ENOX1: variants seen among roughly 807,000 people sequenced by gnomAD.
The protein encoded by ENOX1 is ecto-NOX disulfide-thiol exchanger 1.
In ENOX1, 42 loss-of-function variants were observed where a neutral mutation model predicts 82.5. The observed-to-expected ratio is 0.51, with a 90% CI of 0.40 to 0.66. The LOEUF (loss-of-function observed/expected upper bound fraction) is 0.66. ENOX1 is among the 30% of genes least tolerant of loss of function. The pLI, the probability that ENOX1 is intolerant of heterozygous loss-of-function variation, is 0.00. For synonymous variants in ENOX1, 271 were observed against 282.2 expected (o/e 0.96, Z 0.40); for missense variants, 608 against 811.6 (o/e 0.75, Z 3.05).
chr13:43,646,439 G>C (rs1242787128), intron 2 of ENOX1, among the ~76,000 whole-genome samples: 1 of 152,202 alleles, frequency 6.6e-6, no homozygotes, highest in African/African-American at 2.4e-5. Flanking sequence ...CACGCAGTTA[G>C]GGCAAAACTA....
intron 3 of ENOX1, among the ~76,000 whole-genome samples, chr13:43,430,431 G>A (rs901277284): frequency 6.6e-6 from 1 of 152,174 alleles, no homozygotes; most frequent in Non-Finnish European, 1.5e-5. Context: ...TGGTCACAAG[G>A]TCTTTCTATT....
At chr13:43,448,437 A>C (rs1198137624) in intron 3 of ENOX1, among the ~76,000 whole-genome samples, 1 of 152,250 alleles carries the variant, frequency 6.6e-6, no homozygotes, top group African/African-American at 2.4e-5. Flanking sequence ...TAGGTTTTTA[A>C]AATTTAAGAG....
intron 2 of ENOX1, among the ~76,000 whole-genome samples, chr13:43,506,322 A>G (rs1338419563): frequency 6.6e-6 from 1 of 151,878 alleles, no homozygotes; most frequent in Non-Finnish European, 1.5e-5. Context: ...CGATCATTAA[A>G]AAGTCAGGAA....
intron 2 of ENOX1, among the ~76,000 whole-genome samples, chr13:43,661,513 T>A (rs1297149922): frequency 6.6e-6 from 1 of 152,170 alleles, no homozygotes; most frequent in Non-Finnish European, 1.5e-5. Flanking sequence ...CATTGATGTT[T>A]TCTGAATAAA....
intron 14 of ENOX1, among the ~76,000 whole-genome samples, chr13:43,242,305 GC>G (rs2042873988): frequency 6.6e-6 from 1 of 152,178 alleles, no homozygotes; most frequent in Non-Finnish European, 1.5e-5. Flanking sequence ...GTCTTCACTG[GC>G]TTTTTTGTTT....
chr13:43,482,508 T>A (rs762707250), intron 3 of ENOX1, among the ~76,000 whole-genome samples: 1 of 152,168 alleles, frequency 6.6e-6, no homozygotes, highest in Non-Finnish European at 1.5e-5. Flanking sequence ...ACAACAGGTA[T>A]AGCACTTTAG....
At chr13:43,741,031 CTG>C (rs1053797160) in intron 1 of ENOX1, among the ~76,000 whole-genome samples, 6 of 150,694 alleles carry the variant, frequency 4.0e-5, no homozygotes, top group African/African-American at 1.5e-4. Flanking sequence ...TATGGTAACT[CTG>C]TGTTGAACCT....
intron 5 of ENOX1, among the ~76,000 whole-genome samples, chr13:43,400,415 T>C (rs1417560804): frequency 3.3e-5 from 5 of 152,204 alleles, no homozygotes; most frequent in African/African-American, 1.2e-4. Flanking sequence ...AGGATGTACA[T>C]AGGTTGACTC....
chr13:43,755,678 C>T (rs1950608066), intron 1 of ENOX1, among the ~76,000 whole-genome samples: 1 of 152,166 alleles, frequency 6.6e-6, no homozygotes, highest in Admixed American at 6.5e-5. Flanking sequence ...GGTACATATC[C>T]TCCCACACTT....
chr13:43,683,385 G>C lies in ENOX1; in HGVS notation c.-284-15841C>G, dbSNP rs150870805. Among the ~76,000 whole-genome samples, 262 of 152,226 alleles carry C rather than the reference G, an allele frequency of 1.7e-3. 1 individual carries two copies. The highest frequency in any genetic ancestry group is 0.014 in the East Asian group (73 of 5,184). On this transcript the variant is annotated intron_variant, in intron 1 of 16. Transcript: ENST00000690772. ...CAGGTCTGGGGTCCAGCTGGTGATG[G>C]GGAGAGATGCACTACACTAATGTAA...
At chr13:43,547,457 CA>C (rs1358693282) in intron 2 of ENOX1, 1 of 152,122 alleles carries the variant, frequency 6.6e-6, no homozygotes, top group Non-Finnish European at 1.5e-5. Flanking sequence ...CTTCTACAAA[CA>C]TTCATTAACA....
intron 12 of ENOX1, among the ~76,000 whole-genome samples, chr13:43,292,829 C>CCAACATT (rs1319141372): frequency 6.6e-6 from 1 of 151,894 alleles, no homozygotes; most frequent in African/African-American, 2.4e-5. Context: ...ATCACCACAG[C>CCAACATT]CAACATTACC....
intron 2 of ENOX1, among the ~76,000 whole-genome samples, chr13:43,629,818 G>A (rs1445609418): frequency 6.6e-6 from 1 of 152,086 alleles, no homozygotes; most frequent in African/African-American, 2.4e-5. Flanking sequence ...TCTTCTTACA[G>A]GGTAGAAAAG....
chr13:43,553,769 G>A (rs1170368598), intron 2 of ENOX1, among the ~76,000 whole-genome samples: 1 of 152,096 alleles, frequency 6.6e-6, no homozygotes, highest in African/African-American at 2.4e-5. Context: ...TCTTTAAAGA[G>A]GGAGTTTCAC....
At chr13:43,438,890 C>T (rs995375854) in intron 3 of ENOX1, among the ~76,000 whole-genome samples, 3 of 152,068 alleles carry the variant, frequency 2.0e-5, no homozygotes, top group East Asian at 1.9e-4. Flanking sequence ...AGTATACAGT[C>T]GATCCATAGC....
At chr13:43,579,381 T>A (rs1189541284) in intron 2 of ENOX1, among the ~76,000 whole-genome samples, 1 of 152,186 alleles carries the variant, frequency 6.6e-6, no homozygotes, top group African/African-American at 2.4e-5. Context: ...TTAGATAACT[T>A]TTAACAGCTC....
At chr13:43,733,689 TA>T (rs998075900) in intron 1 of ENOX1, among the ~76,000 whole-genome samples, 17 of 151,972 alleles carry the variant, frequency 1.1e-4, no homozygotes, top group African/African-American at 3.6e-4. Context: ...ATCATTGACA[TA>T]AAAAAAAGCT....
intron 3 of ENOX1, among the ~76,000 whole-genome samples, chr13:43,416,947 G>A (rs990774744): frequency 6.6e-6 from 1 of 152,306 alleles, no homozygotes; most frequent in Non-Finnish European, 1.5e-5. Context: ...GTGAGACTCC[G>A]TCTTCAATCC....
At chr13:43,782,631 G>C (rs1054771613) in intron 1 of ENOX1, among the ~76,000 whole-genome samples, 2 of 151,954 alleles carry the variant, frequency 1.3e-5, no homozygotes, top group Non-Finnish European at 2.9e-5. Flanking sequence ...TCAATGTCAA[G>C]GTTTTCTACT....
Sources: allele counts gnomAD v4.1 joint callset (sites outside exome capture counted in the v4.1 genomes callset), GRCh38; gene constraint gnomAD v4.1.1; transcripts MANE v1.5; gene names NCBI Gene and HGNC (gene_info 2026-07-23, HGNC 2026-07-21).